Variants in ACACA observed in about 807,000 individuals in gnomAD.
ACACA encodes acetyl-CoA carboxylase alpha.
In ACACA, 103 loss-of-function variants were observed where a neutral mutation model predicts 296.1. That is an observed-to-expected ratio of 0.35 (90% CI 0.30 to 0.41). ACACA has a LOEUF of 0.41. Ranked by LOEUF, ACACA falls within the 10% of genes least tolerant of loss-of-function variation. ACACA has a pLI of 1.00. For synonymous variants in ACACA, 953 were observed against 1,038.6 expected, an observed-to-expected ratio of 0.92 and a Z score of 1.58; for missense variants, 1,554 against 2,989.7, an observed-to-expected ratio of 0.52 and a Z score of 11.20.
At chr17:37,234,704 G>A (rs181552104) in intron 25 of ACACA, among the ~76,000 whole-genome samples, 184 of 152,240 alleles carry the variant, frequency 1.2e-3, no homozygotes, top group African/African-American at 4.1e-3. Flanking sequence ...GGTGAAGCAC[G>A]AGGCATTTCT....
intron 41 of ACACA, among the ~76,000 whole-genome samples, chr17:37,169,523 AAG>A (rs1250934606): frequency 6.6e-6 from 1 of 152,204 alleles, no homozygotes; most frequent in Non-Finnish European, 1.5e-5. Flanking sequence ...ATTGCTTTGG[AAG>A]AGAGTCATAT....
At chr17:37,171,527 T>C (rs2076883313) in intron 41 of ACACA, among the ~76,000 whole-genome samples, 1 of 152,148 alleles carries the variant, frequency 6.6e-6, no homozygotes. Context: ...AATAATACAA[T>C]ATGGAAAGGC....
intron 45 of ACACA, chr17:37,143,891 T>A: frequency 1.3e-6 from 2 of 1,539,608 alleles, no homozygotes; most frequent in Non-Finnish European, 1.8e-6. Flanking sequence ...TCTGCAGCAG[T>A]GTTATTCCAC....
At chr17:37,390,714 G>A (rs1036876042) in intron 1 of ACACA, among the ~76,000 whole-genome samples, 2 of 150,630 alleles carry the variant, frequency 1.3e-5, no homozygotes, top group Non-Finnish European at 3.0e-5. Flanking sequence ...GATCACTTGG[G>A]CTCAGGAATT....
At chr17:37,388,510 C>A (rs1048428871) in intron 1 of ACACA, among the ~76,000 whole-genome samples, 5 of 151,788 alleles carry the variant, frequency 3.3e-5, no homozygotes, top group Non-Finnish European at 5.9e-5. Flanking sequence ...CCTCACACCC[C>A]CTCCAGCCCT....
chr17:37,143,365 A>C (rs1014592457), intron 45 of ACACA, among the ~76,000 whole-genome samples: 3 of 152,034 alleles, frequency 2.0e-5, no homozygotes, highest in Non-Finnish European at 4.4e-5. Context: ...GAGACAATTG[A>C]AAATGAAAAA....
chr17:37,200,337 A>C (rs2078189030), intron 34 of ACACA, 90 bp downstream of exon 34: 1 of 1,403,484 alleles, frequency 7.1e-7, no homozygotes, highest in South Asian at 1.2e-5. Flanking sequence ...CATAAATCCT[A>C]TTAGTAAGTA....
chr17:37,147,172 A>C (rs2075847127), intron 45 of ACACA, among the ~76,000 whole-genome samples: 1 of 152,192 alleles, frequency 6.6e-6, no homozygotes, highest in Non-Finnish European at 1.5e-5. Context: ...ACTGTATATA[A>C]GCTTGCATGT....
At chr17:37,180,465 A>G (rs2144853575) in intron 40 of ACACA, among the ~76,000 whole-genome samples, 1 of 152,300 alleles carries the variant, frequency 6.6e-6, no homozygotes, top group South Asian at 2.1e-4. Context: ...AGACTTGGAA[A>G]AATCCTATAT....
In ACACA at chr17:37,086,903, T is replaced by C. The variant is rs892527265; in HGVS notation, c.*413A>G. 7 of 281,732 alleles carry C rather than the reference T, an allele frequency of 2.5e-5. No homozygotes were observed. Among genetic ancestry groups the C allele is most frequent in the Middle Eastern group, 2.5e-3 (2 of 814 alleles). The allele number at this position is 281,732 out of a possible 1,614,324, so 17.5% of individuals were successfully genotyped here. A position where few individuals can be genotyped will look rare whatever the true frequency, so the allele number is the denominator to read the frequency against. On this transcript the variant is annotated 3_prime_UTR_variant, in exon 56 of 56. Coordinates refer to ENST00000616317, the MANE Select transcript of ACACA (RefSeq NM_198834.3). ...CTCTGCTGCCTGTGGCTGCGGCTCATGGGGCCAGGAGTGAGGGGGGCTGCT... is the reference window on the plus strand; with the variant it reads ...CTCTGCTGCCTGTGGCTGCGGCTCACGGGGCCAGGAGTGAGGGGGGCTGCT...
At chr17:37,125,619 A>G in intron 48 of ACACA, 79 bp downstream of exon 48, 6 of 1,201,016 alleles carry the variant, frequency 5.0e-6, no homozygotes, top group East Asian at 2.5e-5. Context: ...TTATTGGTAT[A>G]TATCTATAGA....
chr17:37,338,973 G>GGGGGGGAAAAGGGGAAA, intron 2 of ACACA, among the ~76,000 whole-genome samples: 1 of 148,254 alleles, frequency 6.7e-6, no homozygotes, highest in African/African-American at 2.5e-5. Context: ...AAAAGGCAGA[G>GGGGGGGAAAAGGGGAAA]AGGGAGGGAA....
chr17:37,098,067 TCAA>T (rs2073100101), intron 52 of ACACA, 83 bp from the exon 53 acceptor site: 11 of 1,561,890 alleles, frequency 7.0e-6, no homozygotes, highest in Middle Eastern at 1.7e-4. Flanking sequence ...CACGGGAAGC[TCAA>T]CATCAGCCTG....
At chr17:37,268,016 G>A (rs572563703) in intron 10 of ACACA, among the ~76,000 whole-genome samples, 3 of 152,132 alleles carry the variant, frequency 2.0e-5, no homozygotes, top group African/African-American at 7.2e-5. Context: ...TTTAGTTATT[G>A]CATTTTCAGT....
At chr17:37,123,910 T>G (rs1232211469) in intron 48 of ACACA, among the ~76,000 whole-genome samples, 1 of 152,232 alleles carries the variant, frequency 6.6e-6, no homozygotes, top group Admixed American at 6.5e-5. Context: ...AGTTATTTAT[T>G]GAACTTGAAA....
chr17:37,156,256 G>C (rs1329979765), intron 42 of ACACA, among the ~76,000 whole-genome samples: 1 of 151,588 alleles, frequency 6.6e-6, no homozygotes, highest in Non-Finnish European at 1.5e-5. Flanking sequence ...GTAGCGACAG[G>C]GTTTCACCGT....
chr17:37,326,391 C>T (rs544940467), intron 3 of ACACA, among the ~76,000 whole-genome samples: 1 of 151,390 alleles, frequency 6.6e-6, no homozygotes. Flanking sequence ...ATCAGCCTGG[C>T]GTGGTGGCGT....
At chr17:37,226,276 G>C (rs185596594) in intron 26 of ACACA, 63 bp downstream of exon 26, 13 of 1,241,126 alleles carry the variant, frequency 1.0e-5, no homozygotes, top group Non-Finnish European at 1.4e-5. Flanking sequence ...AGTTCATTGT[G>C]TCTAGGACTG....
At chr17:37,263,578 T>A (rs1342202156) in intron 11 of ACACA, 107 bp downstream of exon 11, 8 of 955,320 alleles carry the variant, frequency 8.4e-6, no homozygotes, top group Non-Finnish European at 1.3e-5. Context: ...TTTTATTAAT[T>A]ATTCAGAATC....
Sources: gnomAD v4.1 joint callset for allele counts (sites outside exome capture counted in the v4.1 genomes callset) on GRCh38, gnomAD v4.1.1 for gene constraint, MANE v1.5 for transcripts, NCBI Gene and HGNC (gene_info 2026-07-23, HGNC 2026-07-21) for gene names.